Variants in CCSER1 observed in about 807,000 individuals in gnomAD.
The protein encoded by CCSER1 is coiled-coil serine rich protein 1, also known as serine-rich coiled-coil domain-containing protein 1.
CCSER1 carries 41 observed loss-of-function variants against 82.0 expected under a neutral mutation model. That is an observed-to-expected ratio of 0.50 (90% CI 0.39 to 0.65). The LOEUF is 0.65. Ranked by LOEUF, CCSER1 falls within the 30% of genes least tolerant of loss-of-function variation. The pLI is 0.00. For synonymous variants in CCSER1, 414 were observed against 383.9 expected (o/e 1.08, Z -0.92); for missense variants, 1,119 against 1,064.2 (o/e 1.05, Z -0.72).
chr4:90,191,926 C>G (rs1291236925), intron 1 of CCSER1, among the ~76,000 whole-genome samples: 1 of 152,002 alleles, frequency 6.6e-6, no homozygotes, highest in Non-Finnish European at 1.5e-5. Context: ...ATTGAGTTAG[C>G]TTATGTAAAA....
At chr4:90,469,161 A>G (rs539124709) in intron 5 of CCSER1, among the ~76,000 whole-genome samples, 21 of 152,056 alleles carry the variant, frequency 1.4e-4, no homozygotes, top group South Asian at 8.3e-4. Flanking sequence ...TGATGTACCT[A>G]CCATTTTTCT....
At chr4:90,792,526 T>G (rs1191275452) in intron 7 of CCSER1, among the ~76,000 whole-genome samples, 1 of 152,208 alleles carries the variant, frequency 6.6e-6, no homozygotes, top group Non-Finnish European at 1.5e-5. Flanking sequence ...TCCAGGAGGA[T>G]GGCAGAAGGG....
At chr4:90,275,313 C>T (rs1229682480) in intron 1 of CCSER1, among the ~76,000 whole-genome samples, 3 of 151,944 alleles carry the variant, frequency 2.0e-5, no homozygotes, top group Admixed American at 1.3e-4. Context: ...GTCTTTTAAG[C>T]AATTATAATT....
intron 9 of CCSER1, among the ~76,000 whole-genome samples, chr4:91,005,433 A>T (rs1738417888): frequency 6.6e-6 from 1 of 152,044 alleles, no homozygotes; most frequent in African/African-American, 2.4e-5. Flanking sequence ...ACACAATCAA[A>T]ATAGAATTTT....
At chr4:91,571,899 C>G (rs1763202856) in intron 10 of CCSER1, among the ~76,000 whole-genome samples, 1 of 152,058 alleles carries the variant, frequency 6.6e-6, no homozygotes, top group Admixed American at 6.6e-5. Flanking sequence ...TATGGACTGG[C>G]CTCCTCTCCT....
At chr4:90,502,717 A>G (rs1770101095) in intron 5 of CCSER1, among the ~76,000 whole-genome samples, 1 of 152,218 alleles carries the variant, frequency 6.6e-6, no homozygotes, top group Admixed American at 6.5e-5. Context: ...GCATTTGAGA[A>G]AAAATATACA....
At chr4:91,160,160 G>C (rs769071069) in intron 10 of CCSER1, among the ~76,000 whole-genome samples, 3 of 151,694 alleles carry the variant, frequency 2.0e-5, no homozygotes, top group Non-Finnish European at 4.4e-5. Flanking sequence ...GTTTTCTGTC[G>C]TTGTGACAGT....
chr4:90,296,768 G>T (rs1268180197), intron 1 of CCSER1, among the ~76,000 whole-genome samples: 1 of 152,090 alleles, frequency 6.6e-6, no homozygotes, highest in African/African-American at 2.4e-5. Context: ...CCCATTGCTT[G>T]TTTTCCTCAG....
intron 5 of CCSER1, among the ~76,000 whole-genome samples, chr4:90,543,968 T>C (rs1481795268): frequency 1.1e-4 from 17 of 152,108 alleles, no homozygotes; most frequent in African/African-American, 4.8e-5. Context: ...TTTACAGATA[T>C]TGACAGAAAG....
chr4:91,045,168 A>G (rs10014892), intron 9 of CCSER1, among the ~76,000 whole-genome samples: 43,567 of 152,074 alleles, frequency 0.29, 6,487 homozygotes, highest in Non-Finnish European at 0.3. Context: ...TCTTGAAATT[A>G]TTTTACCACT....
At chr4:90,303,182 G>A (rs1302350621) in intron 1 of CCSER1, among the ~76,000 whole-genome samples, 2 of 152,112 alleles carry the variant, frequency 1.3e-5, no homozygotes, top group Non-Finnish European at 2.9e-5. Flanking sequence ...ACATATCACT[G>A]ACCTAAATAG....
At chr4:91,386,039 C>G (rs956683630) in intron 10 of CCSER1, among the ~76,000 whole-genome samples, 1 of 151,596 alleles carries the variant, frequency 6.6e-6, no homozygotes, top group Non-Finnish European at 1.5e-5. Flanking sequence ...TCTAGGCCCT[C>G]TTAGTAAACA....
At chr4:90,283,624 T>A (rs1333480120) in intron 1 of CCSER1, among the ~76,000 whole-genome samples, 2 of 152,084 alleles carry the variant, frequency 1.3e-5, no homozygotes, top group Admixed American at 6.6e-5. Context: ...TATATCTAAC[T>A]GCATTTTTGT....
At chr4:91,221,868 GA>G (rs1160883355) in intron 10 of CCSER1, among the ~76,000 whole-genome samples, 1 of 152,028 alleles carries the variant, frequency 6.6e-6, no homozygotes, top group Non-Finnish European at 1.5e-5. Flanking sequence ...GTATACTATG[GA>G]TAATTACTTA....
At chr4:91,221,224 G>A (rs1247496811) in intron 10 of CCSER1, among the ~76,000 whole-genome samples, 1 of 151,884 alleles carries the variant, frequency 6.6e-6, no homozygotes, top group Non-Finnish European at 1.5e-5. Context: ...TCATAACATA[G>A]TTGTTTTCCT....
At chr4:91,165,842 T>G (rs1731992225) in intron 10 of CCSER1, among the ~76,000 whole-genome samples, 3 of 152,246 alleles carry the variant, frequency 2.0e-5, no homozygotes, top group Non-Finnish European at 4.4e-5. Flanking sequence ...CTGTCATGGC[T>G]TCCCTTGGCT....
At chr4:90,817,081 G>A (rs1759121989) in intron 8 of CCSER1, among the ~76,000 whole-genome samples, 1 of 152,038 alleles carries the variant, frequency 6.6e-6, no homozygotes, top group Admixed American at 6.6e-5. Context: ...GTAACATATT[G>A]TAGTGTCAAT....
chr4:91,451,676 A>C (rs1300990273), intron 10 of CCSER1, among the ~76,000 whole-genome samples: 2 of 152,050 alleles, frequency 1.3e-5, no homozygotes, highest in Non-Finnish European at 2.9e-5. Context: ...TGCATGTAAC[A>C]TACAATATGC....
chr4:90,430,817 AATTAT>A (rs1758171799), intron 4 of CCSER1, among the ~76,000 whole-genome samples: 1 of 151,954 alleles, frequency 6.6e-6, no homozygotes, highest in Non-Finnish European at 1.5e-5. Flanking sequence ...AATTTTAGGG[AATTAT>A]ATTTATGGAC....
Sources: gnomAD v4.1 joint callset for allele counts (sites outside exome capture counted in the v4.1 genomes callset) on GRCh38, gnomAD v4.1.1 for gene constraint, MANE v1.5 for transcripts, NCBI Gene and HGNC (gene_info 2026-07-23, HGNC 2026-07-21) for gene names.